Variants in FLRT1 observed in about 807,000 individuals in gnomAD.
FLRT1 encodes leucine-rich repeat transmembrane protein FLRT1.
A neutral mutation model predicts 30.9 loss-of-function variants in FLRT1; 14 were observed. The observed-to-expected ratio is 0.45, with a 90% CI of 0.30 to 0.71. FLRT1 has a LOEUF of 0.71. Ranked by LOEUF, FLRT1 falls within the 30% of genes least tolerant of loss-of-function variation. FLRT1 has a pLI of 0.08. For missense variants in FLRT1, 737 were observed against 949.2 expected (o/e 0.78, Z 2.94); for synonymous variants, 368 against 430.4 (o/e 0.85, Z 1.80).
intron 1 of FLRT1, among the ~76,000 whole-genome samples, chr11:64,055,129 G>C (rs1440286906): frequency 2.6e-5 from 4 of 152,194 alleles, no homozygotes; most frequent in African/African-American, 9.7e-5. Context: ...CCTGAGAGCA[G>C]CCCTGGGCTT....
Position 64,118,048 on chromosome 11 carries a change from G to A in FLRT1, c.1781G>A (p.Ser594Asn). 1 of 1,613,458 alleles carries A rather than the reference G, an allele frequency of 6.2e-7. No homozygotes were observed. The highest frequency in any genetic ancestry group is 8.5e-7 in the Non-Finnish European group (1 of 1,179,858). The change falls in exon 3 of 3, where the codon AGC becomes AAC. Residue 594 changes from serine (S) to asparagine (N), a missense_variant. Ser to Asn is a conservative substitution (Grantham distance 46). Transcript: ENST00000682287. ...CGGGAGAGGGCCTACAACCGGGGCA[G>A]CAGGAAAAAGGATGACTATATGGAG... is the stretch of plus-strand genomic sequence containing the variant. ...LTRERAYNRGSRKKDDYMESG... is the reference protein window; with the variant it reads ...LTRERAYNRGNRKKDDYMESG...
At chr11:64,083,899 G>A (rs774840611) in intron 1 of FLRT1, among the ~76,000 whole-genome samples, 5 of 152,210 alleles carry the variant, frequency 3.3e-5, no homozygotes, top group South Asian at 2.1e-4. Context: ...GCGTGCAGGC[G>A]GGCGTGCGGC....
chr11:64,068,472 C>T (rs1944046033), intron 1 of FLRT1, among the ~76,000 whole-genome samples: 1 of 152,250 alleles, frequency 6.6e-6, no homozygotes, highest in African/African-American at 2.4e-5. Context: ...TAAGGGCTGG[C>T]ACAGATTGGA....
intron 1 of FLRT1, among the ~76,000 whole-genome samples, chr11:64,102,053 G>A (rs1300741194): frequency 2.6e-5 from 4 of 152,134 alleles, no homozygotes; most frequent in South Asian, 2.1e-4. Context: ...TATTTGTAAC[G>A]GCCTCTGACA....
chr11:64,092,154 C>A (rs1477974976), intron 1 of FLRT1, among the ~76,000 whole-genome samples: 1 of 152,220 alleles, frequency 6.6e-6, no homozygotes, highest in Non-Finnish European at 1.5e-5. Flanking sequence ...CGTGGCATCC[C>A]GAGTGGGTGG....
chr11:64,059,796 A>G (rs944492522), intron 1 of FLRT1, among the ~76,000 whole-genome samples: 2 of 152,004 alleles, frequency 1.3e-5, no homozygotes, highest in East Asian at 3.9e-4. Context: ...TCAGTTAATC[A>G]TTTTGGGTCT....
intron 2 of FLRT1, among the ~76,000 whole-genome samples, chr11:64,110,530 G>A (rs1215980128): frequency 6.6e-6 from 1 of 152,046 alleles, no homozygotes; most frequent in Admixed American, 6.6e-5. Context: ...TGTCCTGGAG[G>A]TTGGCAGGGG....
At chr11:64,071,595 C>G (rs1433355144) in intron 1 of FLRT1, among the ~76,000 whole-genome samples, 1 of 152,150 alleles carries the variant, frequency 6.6e-6, no homozygotes, top group Non-Finnish European at 1.5e-5. Flanking sequence ...CCCAAATGAC[C>G]GCTCTTCCCA....
At chr11:64,095,853 G>A (rs541574327) in intron 1 of FLRT1, among the ~76,000 whole-genome samples, 94 of 152,202 alleles carry the variant, frequency 6.2e-4, no homozygotes, top group Non-Finnish European at 1.3e-3. Context: ...GGAGGAGCGC[G>A]AGGCTGAGGG....
At chr11:64,093,755 C>T (rs1041503872) in intron 1 of FLRT1, among the ~76,000 whole-genome samples, 2 of 152,224 alleles carry the variant, frequency 1.3e-5, no homozygotes, top group African/African-American at 4.8e-5. Flanking sequence ...CTGTGTGTCT[C>T]TAAGAGCCCA....
chr11:64,107,754 G>A (rs647304), intron 2 of FLRT1, among the ~76,000 whole-genome samples: 1 of 152,000 alleles, frequency 6.6e-6, no homozygotes, highest in Non-Finnish European at 1.5e-5. Context: ...GCTGGGGTTA[G>A]AAGGTCCTTG....
At chr11:64,045,371 C>T (rs1046392549) in intron 1 of FLRT1, among the ~76,000 whole-genome samples, 19 of 148,272 alleles carry the variant, frequency 1.3e-4, no homozygotes, top group African/African-American at 3.9e-4. Context: ...TGCTCTGCTC[C>T]GCCGGGACCT....
At chr11:64,057,179 C>G (rs11231685) in intron 1 of FLRT1, among the ~76,000 whole-genome samples, 1 of 152,204 alleles carries the variant, frequency 6.6e-6, no homozygotes, top group Non-Finnish European at 1.5e-5. Context: ...CAGCCAGCCC[C>G]GTGTTTATAA....
chr11:64,073,705 T>A (rs534611395), intron 1 of FLRT1, among the ~76,000 whole-genome samples: 3 of 152,034 alleles, frequency 2.0e-5, no homozygotes, highest in Non-Finnish European at 4.4e-5. Flanking sequence ...TGCGTGCGCG[T>A]GGGTTCTCGC....
chr11:64,105,037 C>G (rs1246907742), intron 2 of FLRT1, among the ~76,000 whole-genome samples: 1 of 152,256 alleles, frequency 6.6e-6, no homozygotes, highest in Non-Finnish European at 1.5e-5. Context: ...TATGATTGCA[C>G]CAGGGCCTGG....
In FLRT1 at chr11:64,103,395, T is replaced by C. The variant is rs1267436177; in HGVS notation, c.-836T>C. 6.6e-6 allele frequency: 1 copy of C among 152,082 alleles called. No individual in the cohort carries two copies. The highest frequency in any genetic ancestry group is 1.5e-5 in the Non-Finnish European group (1 of 68,052). 9.4% of individuals were successfully genotyped at this position (152,082 alleles called of 1,614,324 possible). A position where few individuals can be genotyped will look rare whatever the true frequency, so the allele number is the denominator to read the frequency against. Reference sequence around the variant, plus strand: ...GTGGGGGCCTGACAGCTCAGCTGCATGTGTCAGCAGCTCCAGCCCCACCAT... The same window carrying C: ...GTGGGGGCCTGACAGCTCAGCTGCACGTGTCAGCAGCTCCAGCCCCACCAT... On this transcript the variant is annotated 5_prime_UTR_variant, in exon 2 of 3. The change abolishes an upstream ATG in the 5' untranslated region. Coordinates refer to ENST00000682287, the MANE Select transcript of FLRT1 (RefSeq NM_013280.5).
At chr11:64,046,497 G>T (rs2134400424) in intron 1 of FLRT1, among the ~76,000 whole-genome samples, 1 of 152,252 alleles carries the variant, frequency 6.6e-6, no homozygotes, top group Non-Finnish European at 1.5e-5. Context: ...CTTTGTCTGG[G>T]ACCCTGCGCT....
chr11:64,106,433 C>A (rs573161734), intron 2 of FLRT1, among the ~76,000 whole-genome samples: 12 of 152,324 alleles, frequency 7.9e-5, no homozygotes, highest in Admixed American at 7.8e-4. Context: ...CTGTGCCAGG[C>A]TCCATGCCAG....
intron 1 of FLRT1, among the ~76,000 whole-genome samples, chr11:64,073,395 G>C (rs149307720): frequency 6.6e-6 from 1 of 152,342 alleles, no homozygotes; most frequent in East Asian, 1.9e-4. Context: ...CCAGAGACCT[G>C]TCTTTGAACC....
Sources: gnomAD v4.1 joint callset for allele counts (sites outside exome capture counted in the v4.1 genomes callset) on GRCh38, gnomAD v4.1.1 for gene constraint, MANE v1.5 for transcripts, NCBI Gene and HGNC (gene_info 2026-07-23, HGNC 2026-07-21) for gene names.